Variants in FBXL2 observed in about 807,000 individuals in gnomAD.
The protein encoded by FBXL2 is F-box/LRR-repeat protein 2.
Under a neutral mutation model 69.2 loss-of-function variants are expected in FBXL2, and 38 were observed. The observed-to-expected ratio is 0.55, with a 90% CI of 0.42 to 0.72. The LOEUF is 0.72. Among genes scored for constraint, FBXL2 ranks in the 30% least tolerant of loss-of-function variants. The pLI is 0.00. For synonymous variants in FBXL2, 192 were observed against 201.3 expected, an observed-to-expected ratio of 0.95 and a Z score of 0.39; for missense variants, 354 against 520.3, an observed-to-expected ratio of 0.68 and a Z score of 3.11.
At chr3:33,342,551 C>G (rs1319069009) in intron 2 of FBXL2, among the ~76,000 whole-genome samples, 1 of 151,322 alleles carries the variant, frequency 6.6e-6, no homozygotes, top group African/African-American at 2.4e-5. Flanking sequence ...CATTCTGAAC[C>G]AACACTCTAA....
chr3:33,361,210 C>T (rs986854344), intron 4 of FBXL2, among the ~76,000 whole-genome samples: 1 of 150,860 alleles, frequency 6.6e-6, no homozygotes, highest in Non-Finnish European at 1.5e-5. Context: ...CTCCCATGAA[C>T]TTTTAAAGTC....
At chr3:33,377,193 C>G in intron 10 of FBXL2, 80 bp from the exon 11 acceptor site, 1 of 1,335,232 alleles carries the variant, frequency 7.5e-7, no homozygotes, top group Non-Finnish European at 1.1e-6. Context: ...AGAAAAGACT[C>G]AAGTATGCAT....
At chr3:33,409,663 G>T in the FBXL2 span, 2 of 1,606,182 alleles carry the variant, frequency 1.2e-6, no homozygotes, top group Non-Finnish European at 1.7e-6. Flanking sequence ...TTTCTATTTT[G>T]TTCCCTCTTG....
At chr3:33,318,007 G>C (rs902534703) in intron 2 of FBXL2, among the ~76,000 whole-genome samples, 2 of 152,086 alleles carry the variant, frequency 1.3e-5, no homozygotes, top group African/African-American at 4.8e-5. Flanking sequence ...CATGTTTTGG[G>C]CCAGGTTTCT....
intron 12 of FBXL2, chr3:33,397,804 A>G (rs1387647867): frequency 6.6e-6 from 1 of 152,170 alleles, no homozygotes; most frequent in South Asian, 2.1e-4. Flanking sequence ...CAGGTTTCCT[A>G]TAGCACCACC....
At chr3:33,399,703 T>C (rs1393954633) in intron 12 of FBXL2, among the ~76,000 whole-genome samples, 4 of 152,148 alleles carry the variant, frequency 2.6e-5, no homozygotes, top group African/African-American at 7.2e-5. Context: ...ATCCTTGTAG[T>C]GATGGCACAA....
intron 5 of FBXL2, among the ~76,000 whole-genome samples, chr3:33,366,886 C>T (rs1415299901): frequency 2.0e-5 from 3 of 152,082 alleles, no homozygotes; most frequent in African/African-American, 7.2e-5. Context: ...ATGGCCTGAA[C>T]TCGGGAGGTG....
At chr3:33,405,112 T>A (rs2044381932), downstream of FBXL2, among the ~76,000 whole-genome samples, 1 of 151,928 alleles carries the variant, frequency 6.6e-6, no homozygotes, top group Admixed American at 6.5e-5. Context: ...TGTAAGGCAA[T>A]TTTTTTAGGG....
rs373419635 is a variant in FBXL2 at position 33,314,302 on chromosome 3, G to A, written c.65+16577G>A. 1.4e-4 allele frequency among the ~76,000 whole-genome samples: 21 copies of A among 152,104 alleles called. No individual in the cohort carries two copies. In the South Asian group the frequency reaches 2.3e-3, roughly 17 times the overall value. On this transcript the variant is annotated intron_variant, in intron 2 of 14. Transcript: ENST00000484457. ...AATCTTATAACTGAAAGTTTGTACC[G>A]TTTGACCAACATCTCCCCATTTCCC...
intron 2 of FBXL2, among the ~76,000 whole-genome samples, chr3:33,352,612 T>A (rs1301436714): frequency 6.6e-6 from 1 of 152,096 alleles, no homozygotes; most frequent in East Asian, 1.9e-4. Flanking sequence ...AGTGAGAAAA[T>A]CAGCTGGGCT....
At chr3:33,358,876 C>T in intron 2 of FBXL2, 91 bp from the exon 3 acceptor site, 2 of 676,848 alleles carry the variant, frequency 3.0e-6, no homozygotes, top group Non-Finnish European at 4.7e-6. Context: ...CTTATGTATC[C>T]AGGTGGCGGA....
chr3:33,400,788 A>G (rs1288658808), intron 12 of FBXL2, among the ~76,000 whole-genome samples: 1 of 152,200 alleles, frequency 6.6e-6, no homozygotes, highest in Non-Finnish European at 1.5e-5. Flanking sequence ...GACTATACCT[A>G]AAAAAATGTA....
intron 2 of FBXL2, among the ~76,000 whole-genome samples, chr3:33,310,887 G>T (rs1169738546): frequency 6.6e-6 from 1 of 152,096 alleles, no homozygotes; most frequent in Non-Finnish European, 1.5e-5. Flanking sequence ...TGATTCTCCT[G>T]CCGCAGCCTC....
At chr3:33,306,000 C>T (rs191879391) in intron 2 of FBXL2, among the ~76,000 whole-genome samples, 28 of 151,992 alleles carry the variant, frequency 1.8e-4, no homozygotes, top group Admixed American at 1.7e-3. Flanking sequence ...TCATTCTTTT[C>T]TATTGTTTCT....
At chr3:33,372,985 TTTAA>T (rs1399998638) in intron 5 of FBXL2, 103 bp from the exon 6 acceptor site, 18 of 922,964 alleles carry the variant, frequency 2.0e-5, no homozygotes, top group South Asian at 1.1e-4. Flanking sequence ...TGTTACGCGC[TTTAA>T]TTAAGTTTGA....
intron 2 of FBXL2, among the ~76,000 whole-genome samples, chr3:33,305,036 A>C (rs1559513438): frequency 6.6e-6 from 1 of 151,926 alleles, no homozygotes; most frequent in Non-Finnish European, 1.5e-5. Flanking sequence ...CTTTGTACTG[A>C]TATTAATGTT....
At chr3:33,350,772 T>C (rs1197647160) in intron 2 of FBXL2, among the ~76,000 whole-genome samples, 1 of 152,072 alleles carries the variant, frequency 6.6e-6, no homozygotes, top group Non-Finnish European at 1.5e-5. Flanking sequence ...AGATGCTTTC[T>C]CCCTGAGATT....
At chr3:33,370,815 T>C (rs566843773) in intron 5 of FBXL2, among the ~76,000 whole-genome samples, 20 of 152,300 alleles carry the variant, frequency 1.3e-4, no homozygotes, top group African/African-American at 4.3e-4. Context: ...TTGGTTATTA[T>C]ATGCCTTGGT....
At chr3:33,399,349 G>A (rs2044133321) in intron 12 of FBXL2, among the ~76,000 whole-genome samples, 2 of 152,134 alleles carry the variant, frequency 1.3e-5, no homozygotes, top group Non-Finnish European at 2.9e-5. Flanking sequence ...ACCTGGAGAA[G>A]CAGTGCTTGA....
Sources: gnomAD v4.1 joint callset for allele counts (sites outside exome capture counted in the v4.1 genomes callset) on GRCh38, gnomAD v4.1.1 for gene constraint, MANE v1.5 for transcripts, NCBI Gene and HGNC (gene_info 2026-07-23, HGNC 2026-07-21) for gene names.